Variants in CGNL1 observed in about 807,000 individuals in gnomAD.
The protein encoded by CGNL1 is cingulin-like protein 1.
Under a neutral mutation model 141.2 loss-of-function variants are expected in CGNL1, and 132 were observed. That is an observed-to-expected ratio of 0.93 (90% CI 0.81 to 1.08). The LOEUF (loss-of-function observed/expected upper bound fraction) is 1.08. CGNL1 is among the 50% of genes least tolerant of loss of function. The pLI is 0.00. For synonymous variants in CGNL1, 690 were observed against 622.1 expected (o/e 1.11, Z -1.63); for missense variants, 1,870 against 1,588.6 (o/e 1.18, Z -3.01).
At chr15:57,381,698 CTTGT>C (rs1397545050) in intron 1 of CGNL1, among the ~76,000 whole-genome samples, 1 of 152,158 alleles carries the variant, frequency 6.6e-6, no homozygotes, top group Non-Finnish European at 1.5e-5. Flanking sequence ...TTCTCAGTGC[CTTGT>C]TTATTTTTTA....
intron 8 of CGNL1, among the ~76,000 whole-genome samples, chr15:57,468,034 G>A (rs1007302524): frequency 6.6e-6 from 1 of 152,026 alleles, no homozygotes; most frequent in Non-Finnish European, 1.5e-5. Context: ...TTTATAGGCT[G>A]TCTGAAATTT....
At chr15:57,406,537 G>T (rs1294447254) in intron 1 of CGNL1, among the ~76,000 whole-genome samples, 1 of 152,192 alleles carries the variant, frequency 6.6e-6, no homozygotes, top group African/African-American at 2.4e-5. Flanking sequence ...AGAACTTTCT[G>T]TGGAATTTGT....
chr15:57,546,084 G>A lies in CGNL1; in HGVS notation c.3618G>A (p.Leu1206=), dbSNP rs774302187. The change falls in exon 18 of 19, where the codon TTG becomes TTA. Residue 1206 remains leucine (L), a synonymous_variant. Coordinates refer to ENST00000281282, the MANE Select transcript of CGNL1 (RefSeq NM_032866.5). ...SLTDQKDQLS[L]RLKAMKRQVE... ...ATTCTCTCCCGGTGCAGCTGAGCTTGCGTTTGAAAGCCATGAAGCGGCAGG... is the reference window on the plus strand; with the variant it reads ...ATTCTCTCCCGGTGCAGCTGAGCTTACGTTTGAAAGCCATGAAGCGGCAGG... 1.2e-6 allele frequency: 2 copies of A among 1,612,994 alleles called. No individual in the cohort carries two copies. The highest frequency in any genetic ancestry group is 3.3e-5 in the Admixed American group (2 of 59,978).
At chr15:57,381,842 A>G (rs1251884192) in intron 1 of CGNL1, among the ~76,000 whole-genome samples, 4 of 152,222 alleles carry the variant, frequency 2.6e-5, no homozygotes, top group Non-Finnish European at 5.9e-5. Flanking sequence ...AAGAGAAAGT[A>G]TTCCGCTAAA....
chr15:57,381,156 C>T (rs1234204724), intron 1 of CGNL1, among the ~76,000 whole-genome samples: 4 of 152,166 alleles, frequency 2.6e-5, no homozygotes, highest in Admixed American at 6.5e-5. Flanking sequence ...ATGCTCAGCA[C>T]TTTTCGTTCA....
chr15:57,434,720 G>A (rs2063084092), intron 1 of CGNL1, among the ~76,000 whole-genome samples: 1 of 152,160 alleles, frequency 6.6e-6, no homozygotes, highest in African/African-American at 2.4e-5. Flanking sequence ...AGAAGATAAT[G>A]AAGTTTGCAA....
At chr15:57,394,532 T>C (rs150069169) in intron 1 of CGNL1, among the ~76,000 whole-genome samples, 1,760 of 152,196 alleles carry the variant, frequency 0.012, 24 homozygotes, top group Non-Finnish European at 0.016. Flanking sequence ...ATGGTGGGGG[T>C]AGGTTCAAAA....
At chr15:57,391,980 C>G (rs987051402) in intron 1 of CGNL1, among the ~76,000 whole-genome samples, 2 of 151,490 alleles carry the variant, frequency 1.3e-5, no homozygotes, top group African/African-American at 2.4e-5. Flanking sequence ...CTTTCCCCCC[C>G]CTCACCTGAC....
At chr15:57,430,030 G>T (rs6493930) in intron 1 of CGNL1, among the ~76,000 whole-genome samples, 1 of 152,042 alleles carries the variant, frequency 6.6e-6, no homozygotes, top group South Asian at 2.1e-4. Context: ...AGGCTGGTCT[G>T]AGACTCTTGG....
intron 8 of CGNL1, among the ~76,000 whole-genome samples, chr15:57,494,128 G>A (rs529173474): frequency 6.6e-6 from 1 of 152,324 alleles, no homozygotes; most frequent in South Asian, 2.1e-4. Context: ...AAGGGATGTA[G>A]GCTCCAAAGA....
chr15:57,385,425 G>T (rs6493926), intron 1 of CGNL1, among the ~76,000 whole-genome samples: 43,235 of 151,906 alleles, frequency 0.28, 7,681 homozygotes, highest in East Asian at 0.56. Context: ...TTCCCAGCTT[G>T]GCTTGAACCC....
intron 1 of CGNL1, among the ~76,000 whole-genome samples, chr15:57,415,421 G>A (rs1477913155): frequency 6.6e-6 from 1 of 152,310 alleles, no homozygotes; most frequent in South Asian, 2.1e-4. Context: ...AAGATGCTAC[G>A]CTGCTGGCGT....
chr15:57,531,292 C>T (rs759377635), intron 13 of CGNL1, among the ~76,000 whole-genome samples: 3 of 152,124 alleles, frequency 2.0e-5, no homozygotes, highest in South Asian at 2.1e-4. Flanking sequence ...AAAGATTGTC[C>T]GGAGCGTCAA....
chr15:57,543,071 G>C (rs543207210), intron 14 of CGNL1, among the ~76,000 whole-genome samples: 1 of 152,254 alleles, frequency 6.6e-6, no homozygotes, highest in East Asian at 1.9e-4. Context: ...TGGTTCTGGA[G>C]GCCAGAAATC....
intron 1 of CGNL1, among the ~76,000 whole-genome samples, chr15:57,428,513 C>T (rs1472389215): frequency 6.6e-6 from 1 of 152,102 alleles, no homozygotes; most frequent in Non-Finnish European, 1.5e-5. Context: ...GTAGAAAAAG[C>T]TTAAAATGTG....
chr15:57,471,951 GT>G (rs1194160216), intron 8 of CGNL1, among the ~76,000 whole-genome samples: 2 of 152,082 alleles, frequency 1.3e-5, no homozygotes, highest in Non-Finnish European at 2.9e-5. Flanking sequence ...GGATAAATGT[GT>G]GATTTTCTGG....
intron 1 of CGNL1, among the ~76,000 whole-genome samples, chr15:57,382,642 T>G (rs2062436991): frequency 6.6e-6 from 1 of 152,222 alleles, no homozygotes; most frequent in Non-Finnish European, 1.5e-5. Flanking sequence ...ATTCTCTTGT[T>G]TTTGACCTTT....
intron 1 of CGNL1, among the ~76,000 whole-genome samples, chr15:57,389,293 A>C (rs886113755): frequency 6.6e-6 from 1 of 152,238 alleles, no homozygotes; most frequent in Non-Finnish European, 1.5e-5. Context: ...ACTCCATCTC[A>C]AAAAACAAAA....
Position 57,488,212 on chromosome 15 carries a change from A to G in CGNL1, c.2403+26320A>G, listed in dbSNP as rs902869128. 7.9e-5 allele frequency among the ~76,000 whole-genome samples: 12 copies of G among 152,098 alleles called. No homozygotes were observed. In the South Asian group the frequency reaches 2.1e-3, roughly 26 times the overall value. On this transcript the variant is annotated intron_variant, in intron 8 of 18. Transcript: ENST00000281282. The stretch of plus-strand genomic sequence containing the variant: ...GTTTGTATGTCTTCTTTGGAGAGCT[A>G]TCTGTTCAGATTCTCTGCCTATTTT...
Sources: allele counts gnomAD v4.1 joint callset (sites outside exome capture counted in the v4.1 genomes callset), GRCh38; gene constraint gnomAD v4.1.1; transcripts MANE v1.5; gene names NCBI Gene and HGNC (gene_info 2026-07-23, HGNC 2026-07-21).